Variants in RASAL2 observed in about 807,000 individuals in gnomAD.
The protein encoded by RASAL2 is RAS protein activator like 2.
A neutral mutation model predicts 128.9 loss-of-function variants in RASAL2; 58 were observed. That is an observed-to-expected ratio of 0.45 (90% CI 0.36 to 0.56). The LOEUF is 0.56. RASAL2 is among the 20% of genes least tolerant of loss of function. The probability of loss-of-function intolerance (pLI) is 0.00; values close to 1 mark genes in which losing one functional copy is unlikely to be tolerated. For synonymous variants in RASAL2, 561 were observed against 580.8 expected (o/e 0.97, Z 0.49); for missense variants, 1,360 against 1,601.6 (o/e 0.85, Z 2.57).
Position 178,467,396 on chromosome 1 carries a change from C to T in RASAL2, c.3653C>T (p.Ala1218Val), listed in dbSNP as rs1483856763. 6.2e-7 allele frequency: 1 copy of T among 1,613,998 alleles called. No homozygotes were observed. The highest frequency in any genetic ancestry group is 1.7e-5 in the Admixed American group (1 of 60,028). ...GCTGAGATGCAAGCAGTTATTGATGCAAAGCAGAAAATAATTGATGCACAG... is the reference window on the plus strand; with the variant it reads ...GCTGAGATGCAAGCAGTTATTGATGTAAAGCAGAAAATAATTGATGCACAG... Reference protein sequence around the residue: ...DHAEMQAVIDAKQKIIDAQEK... With the variant: ...DHAEMQAVIDVKQKIIDAQEK... Residue 1218 changes from alanine (A) to valine (V), a missense_variant, in exon 17 of 18, where the codon GCA becomes GTA. Physicochemically the swap from Ala to Val is moderately conservative, Grantham distance 64 (BLOSUM62 0). Coordinates refer to ENST00000367649, the MANE Select transcript of RASAL2 (RefSeq NM_170692.4).
rs74131312 is a variant in RASAL2, at chr1:178,294,560, C to G, written c.331-5432C>G. On this transcript the variant is annotated intron_variant, in intron 2 of 17. Transcript: ENST00000367649. ...GAATGACTGGTGCAAGATGGGCCCT[C>G]CCACTGTAAACAACAAAAAATAGGA... 5.6e-3 allele frequency among the ~76,000 whole-genome samples: 850 copies of G among 152,308 alleles called. 11 individuals are homozygous for G. Among genetic ancestry groups the G allele is most frequent in the African/African-American group, 0.019 (795 of 41,558 alleles).
intron 16 of RASAL2, among the ~76,000 whole-genome samples, chr1:178,466,867 G>T (rs1012538498): frequency 4.6e-5 from 7 of 152,188 alleles, no homozygotes; most frequent in African/African-American, 7.2e-5. Context: ...AGAGGTGTTT[G>T]GGTAGACTGG....
chr1:178,140,590 CCTTTTTCGTTT>C (rs554383393), intron 1 of RASAL2, among the ~76,000 whole-genome samples: 13 of 152,202 alleles, frequency 8.5e-5, no homozygotes, highest in African/African-American at 2.4e-4. Context: ...TGTAGCCTGG[CCTTTTTCGTTT>C]AGCAATATGC....
chr1:178,256,386 TATC>T (rs1461155192), intron 1 of RASAL2, among the ~76,000 whole-genome samples: 1 of 152,148 alleles, frequency 6.6e-6, no homozygotes, highest in Non-Finnish European at 1.5e-5. Context: ...CTACAGCTAA[TATC>T]ATACTTAATG....
intron 1 of RASAL2, among the ~76,000 whole-genome samples, chr1:178,105,732 G>T (rs1052261509): frequency 1.3e-5 from 2 of 151,478 alleles, no homozygotes; most frequent in African/African-American, 4.9e-5. Flanking sequence ...ACTCAGGCTG[G>T]AGTGCTGTGG....
intron 1 of RASAL2, among the ~76,000 whole-genome samples, chr1:178,274,125 A>G (rs1318096647): frequency 2.6e-5 from 4 of 152,224 alleles, no homozygotes; most frequent in Non-Finnish European, 4.4e-5. Context: ...TAGTGCTGCC[A>G]TACTCTTGAC....
chr1:178,354,383 C>T (rs765338426), intron 3 of RASAL2, among the ~76,000 whole-genome samples: 2 of 152,106 alleles, frequency 1.3e-5, no homozygotes, highest in East Asian at 1.9e-4. Context: ...AAAAACCCAT[C>T]GACAAATATA....
At chr1:178,218,194 A>T (rs1399572849) in intron 1 of RASAL2, among the ~76,000 whole-genome samples, 1 of 152,218 alleles carries the variant, frequency 6.6e-6, no homozygotes, top group African/African-American at 2.4e-5. Context: ...TCATCAATGA[A>T]AGTTGGAATC....
intron 1 of RASAL2, among the ~76,000 whole-genome samples, chr1:178,100,966 C>T (rs1658874206): frequency 6.6e-6 from 1 of 152,170 alleles, no homozygotes; most frequent in Non-Finnish European, 1.5e-5. Flanking sequence ...AATTGCTTCA[C>T]CCTATCTTGG....
At chr1:178,211,466 C>T (rs957763499) in intron 1 of RASAL2, among the ~76,000 whole-genome samples, 1 of 152,068 alleles carries the variant, frequency 6.6e-6, no homozygotes, top group Non-Finnish European at 1.5e-5. Flanking sequence ...AAGATGAAGT[C>T]CAGATTCTTT....
At chr1:178,342,892 A>G (rs1185598190) in intron 3 of RASAL2, among the ~76,000 whole-genome samples, 3 of 152,318 alleles carry the variant, frequency 2.0e-5, no homozygotes, top group Middle Eastern at 3.4e-3. Context: ...ATGTGTTAGC[A>G]GATAATTTAA....
chr1:178,478,533 T>C lies in RASAL2; in HGVS notation c.*5294T>C, dbSNP rs990309444. ...CATCTCCAGGGCCTTAATAAGAGTG[T>C]GTTAACACACGACTATTTTACAATG... On this transcript the variant is annotated 3_prime_UTR_variant, in exon 18 of 18. Transcript: ENST00000367649. The C allele has an allele frequency of 6.6e-6, 1 of 152,246 alleles. No homozygotes were observed. The highest frequency in any genetic ancestry group is 2.4e-5 in the African/African-American group (1 of 41,472). The allele number at this position is 152,246 out of a possible 1,614,324, so 9.4% of individuals were successfully genotyped here.
chr1:178,368,778 C>CA (rs1671546830), intron 3 of RASAL2, among the ~76,000 whole-genome samples: 1 of 151,940 alleles, frequency 6.6e-6, no homozygotes, highest in African/African-American at 2.4e-5. Flanking sequence ...GCTGAGACTA[C>CA]AGGCACATGT....
At chr1:178,111,367 C>T (rs1177443051) in intron 1 of RASAL2, among the ~76,000 whole-genome samples, 2 of 152,166 alleles carry the variant, frequency 1.3e-5, no homozygotes, top group African/African-American at 4.8e-5. Flanking sequence ...CCTTGGCCTC[C>T]CAAAGTGCTA....
chr1:178,202,818 C>T (rs1448673260), intron 1 of RASAL2, among the ~76,000 whole-genome samples: 1 of 152,206 alleles, frequency 6.6e-6, no homozygotes, highest in Non-Finnish European at 1.5e-5. Context: ...ATGCACCACT[C>T]AGCCTGTTTC....
At chr1:178,099,687 G>A (rs1260765729) in intron 1 of RASAL2, among the ~76,000 whole-genome samples, 11 of 152,230 alleles carry the variant, frequency 7.2e-5, no homozygotes, top group Admixed American at 4.6e-4. Context: ...TAGGCCGGGC[G>A]TGGTGGCTCA....
At chr1:178,443,510 C>G (rs1003106538) in intron 8 of RASAL2, among the ~76,000 whole-genome samples, 5 of 152,152 alleles carry the variant, frequency 3.3e-5, no homozygotes, top group African/African-American at 1.2e-4. Context: ...AGGATTGGCA[C>G]GATAACCCTA....
At chr1:178,329,766 A>G (rs894951743) in intron 3 of RASAL2, among the ~76,000 whole-genome samples, 3 of 152,034 alleles carry the variant, frequency 2.0e-5, no homozygotes, top group Non-Finnish European at 4.4e-5. Context: ...GGATCGCTTA[A>G]GCCCAGGAAT....
At chr1:178,301,848 A>G (rs2102274672) in intron 3 of RASAL2, among the ~76,000 whole-genome samples, 1 of 152,334 alleles carries the variant, frequency 6.6e-6, no homozygotes, top group South Asian at 2.1e-4. Context: ...GCAGTGTTAT[A>G]GAAGAGAGAA....
Sources: allele counts gnomAD v4.1 joint callset (sites outside exome capture counted in the v4.1 genomes callset), GRCh38; gene constraint gnomAD v4.1.1; transcripts MANE v1.5; gene names NCBI Gene and HGNC (gene_info 2026-07-23, HGNC 2026-07-21).